Variants in SLMAP observed in about 807,000 individuals in gnomAD.
SLMAP encodes sarcolemmal membrane-associated protein.
Under a neutral mutation model 128.8 loss-of-function variants are expected in SLMAP, and 44 were observed. That is an observed-to-expected ratio of 0.34 (90% CI 0.27 to 0.44). The LOEUF (loss-of-function observed/expected upper bound fraction) is 0.44, where lower values mean the gene tolerates loss of function less well. Among genes scored for constraint, SLMAP ranks in the 20% least tolerant of loss-of-function variants. The probability of loss-of-function intolerance (pLI) is 1.00; values close to 1 mark genes in which losing one functional copy is unlikely to be tolerated. For missense variants in SLMAP, 787 were observed against 985.3 expected, an observed-to-expected ratio of 0.80 and a Z score of 2.69; for synonymous variants, 327 against 348.8, an observed-to-expected ratio of 0.94 and a Z score of 0.70.
intron 2 of SLMAP, among the ~76,000 whole-genome samples, chr3:57,771,220 TGAGAGA>T (rs377559257): frequency 8.8e-5 from 12 of 135,676 alleles, no homozygotes; most frequent in Non-Finnish European, 1.6e-4. Flanking sequence ...CCTCCTCCTT[TGAGAGA>T]GAGAGAGAGA....
chr3:57,834,033 C>G (rs552354381), intron 3 of SLMAP, among the ~76,000 whole-genome samples: 1 of 152,170 alleles, frequency 6.6e-6, no homozygotes, highest in East Asian at 1.9e-4. Context: ...TAGATAACCC[C>G]TGGATCAAAG....
intron 18 of SLMAP, 126 bp downstream of exon 18, chr3:57,908,132 G>A (rs960031712): frequency 3.5e-6 from 3 of 857,016 alleles, no homozygotes; most frequent in African/African-American, 1.7e-5. Context: ...TGTGATCTTG[G>A]TATATTTACT....
chr3:57,845,959 A>G (rs1436412785), intron 4 of SLMAP, among the ~76,000 whole-genome samples: 2 of 151,802 alleles, frequency 1.3e-5, no homozygotes, highest in Non-Finnish European at 2.9e-5. Context: ...CTCCCACCTC[A>G]GCCTCCCAAG....
At chr3:57,837,621 G>A (rs1220286571) in intron 3 of SLMAP, among the ~76,000 whole-genome samples, 4 of 151,964 alleles carry the variant, frequency 2.6e-5, no homozygotes, top group Non-Finnish European at 2.9e-5. Flanking sequence ...TGCCTACCTC[G>A]GCCTCCCAAA....
At chr3:57,879,269 T>G (rs1432488101) in intron 14 of SLMAP, among the ~76,000 whole-genome samples, 2 of 152,230 alleles carry the variant, frequency 1.3e-5, no homozygotes, top group African/African-American at 4.8e-5. Flanking sequence ...AGAAGTAAAT[T>G]TGGTTCTCTC....
intron 24 of SLMAP, among the ~76,000 whole-genome samples, chr3:57,927,026 A>G (rs978216705): frequency 1.3e-5 from 2 of 152,208 alleles, no homozygotes; most frequent in East Asian, 3.8e-4. Flanking sequence ...AGAAGTCACT[A>G]TTAGGTTTCA....
chr3:57,775,220 A>G (rs1005285059), intron 2 of SLMAP, among the ~76,000 whole-genome samples: 1 of 151,488 alleles, frequency 6.6e-6, no homozygotes, highest in African/African-American at 2.4e-5. Flanking sequence ...CCCCCGGCTA[A>G]TTTTTTTGTA....
chr3:57,895,616 G>A (rs1485181886), intron 15 of SLMAP, among the ~76,000 whole-genome samples: 1 of 151,944 alleles, frequency 6.6e-6, no homozygotes, highest in Non-Finnish European at 1.5e-5. Flanking sequence ...TTACAGGCGT[G>A]AGCCACTGCG....
chr3:57,909,369 G>A (rs577015995), intron 19 of SLMAP, among the ~76,000 whole-genome samples: 3 of 151,990 alleles, frequency 2.0e-5, no homozygotes, highest in East Asian at 3.9e-4. Flanking sequence ...GGGCATGGTG[G>A]TGCATGCCTG....
At chr3:57,902,912 G>A (rs1170736044) in intron 17 of SLMAP, among the ~76,000 whole-genome samples, 4 of 151,990 alleles carry the variant, frequency 2.6e-5, no homozygotes, top group Admixed American at 6.6e-5. Flanking sequence ...AATTTTATAC[G>A]GTCACCCTAG....
intron 17 of SLMAP, among the ~76,000 whole-genome samples, chr3:57,902,406 C>T (rs1360818519): frequency 1.3e-5 from 2 of 152,172 alleles, no homozygotes; most frequent in Non-Finnish European, 2.9e-5. Context: ...AGTTTGTTCA[C>T]ATAATCCTTT....
At chr3:57,861,311 G>A (rs1011610251) in intron 9 of SLMAP, among the ~76,000 whole-genome samples, 3 of 152,140 alleles carry the variant, frequency 2.0e-5, no homozygotes, top group Non-Finnish European at 4.4e-5. Context: ...AGGTCTTGGA[G>A]GAGCAATCAA....
Position 57,909,099 on chromosome 3 carries a change from G to T in SLMAP, c.1648G>T (p.Ala550Ser), listed in dbSNP as rs747899072. The T allele has an allele frequency of 1.9e-6, 3 of 1,611,260 alleles. No homozygotes were observed. Among genetic ancestry groups the T allele is most frequent in the African/African-American group, 2.7e-5 (2 of 74,770 alleles). The change falls in exon 19 of 25, where the codon GCC becomes TCC. Residue 550 changes from alanine (A) to serine (S), a missense_variant. Physicochemically the swap from Ala to Ser is moderately conservative, Grantham distance 99. Transcript: ENST00000671191. ...LQALLEEERKAYRNQVEESTK... is the reference protein window; with the variant it reads ...LQALLEEERKSYRNQVEESTK... ...AGCTCTTTTGGAAGAAGAAAGAAAA[G>T]CCTATCGAAATCAAGTTGAGGAATC...
chr3:57,806,087 C>T (rs1338456735), intron 2 of SLMAP, among the ~76,000 whole-genome samples: 1 of 150,938 alleles, frequency 6.6e-6, no homozygotes, highest in Non-Finnish European at 1.5e-5. Context: ...CAAGTGCAGA[C>T]GTGTAGGTTT....
intron 14 of SLMAP, among the ~76,000 whole-genome samples, chr3:57,877,707 A>C (rs1202295498): frequency 6.6e-6 from 1 of 152,080 alleles, no homozygotes; most frequent in East Asian, 1.9e-4. Context: ...TCTTAAGTAC[A>C]TGCCAGTGGT....
chr3:57,769,142 A>G (rs2080305478), intron 2 of SLMAP, among the ~76,000 whole-genome samples: 1 of 152,134 alleles, frequency 6.6e-6, no homozygotes, highest in South Asian at 2.1e-4. Context: ...TGTATACTTA[A>G]ATTGGCAATT....
At chr3:57,859,414 C>G (rs1373388460) in intron 8 of SLMAP, among the ~76,000 whole-genome samples, 1 of 151,484 alleles carries the variant, frequency 6.6e-6, no homozygotes, top group Non-Finnish European at 1.5e-5. Flanking sequence ...ATTTGCTTAG[C>G]ATAGTGGTAC....
At chr3:57,763,116 A>C (rs2153431530) in intron 2 of SLMAP, among the ~76,000 whole-genome samples, 2 of 151,970 alleles carry the variant, frequency 1.3e-5, no homozygotes, top group Middle Eastern at 6.8e-3. Flanking sequence ...TAGTGAGTGA[A>C]CTCTTGTGAT....
chr3:57,916,686 C>T (rs1173422693), intron 21 of SLMAP, among the ~76,000 whole-genome samples: 1 of 152,030 alleles, frequency 6.6e-6, no homozygotes, highest in East Asian at 1.9e-4. Context: ...AAAATTTCAA[C>T]CTTTGTGTAT....
Sources: allele counts gnomAD v4.1 joint callset (sites outside exome capture counted in the v4.1 genomes callset), GRCh38; gene constraint gnomAD v4.1.1; transcripts MANE v1.5; gene names NCBI Gene and HGNC (gene_info 2026-07-23, HGNC 2026-07-21).